PKNOX2: variants seen among roughly 807,000 people sequenced by gnomAD.
PKNOX2 encodes the protein PBX/knotted 1 homeobox 2, also known as homeobox protein PKNOX2.
In PKNOX2, 14 loss-of-function variants were observed where a neutral mutation model predicts 53.1. The observed-to-expected ratio is 0.26, with a 90% confidence interval of 0.17 to 0.41. PKNOX2 has a LOEUF of 0.41. PKNOX2 is among the 10% of genes least tolerant of loss of function. The pLI, the probability that PKNOX2 is intolerant of heterozygous loss-of-function variation, is 1.00. For missense variants in PKNOX2, 496 were observed against 602.8 expected (o/e 0.82, Z 1.85); for synonymous variants, 257 against 242.8 (o/e 1.06, Z -0.54).
chr11:125,169,730 C>G (rs1430342702), intron 1 of PKNOX2, among the ~76,000 whole-genome samples: 1 of 152,236 alleles, frequency 6.6e-6, no homozygotes, highest in Non-Finnish European at 1.5e-5. Context: ...TTCTCAGCAG[C>G]AAAGTCACAT....
intron 3 of PKNOX2, among the ~76,000 whole-genome samples, chr11:125,334,289 G>A (rs1045431619): frequency 6.6e-6 from 1 of 152,212 alleles, no homozygotes; most frequent in Admixed American, 6.5e-5. Context: ...GATTTTCAAA[G>A]TCCTGTTGGG....
chr11:125,170,961 G>A (rs369053887), intron 1 of PKNOX2, among the ~76,000 whole-genome samples: 148 of 151,936 alleles, frequency 9.7e-4, no homozygotes, highest in African/African-American at 3.4e-3. Context: ...GGGGTGCCCA[G>A]TGGGGGAGGG....
intron 1 of PKNOX2, among the ~76,000 whole-genome samples, chr11:125,176,982 T>A: frequency 6.6e-6 from 1 of 152,148 alleles, no homozygotes; most frequent in Middle Eastern, 3.4e-3. Flanking sequence ...CCAGTTAGGG[T>A]CCTGGTGATA....
chr11:125,410,694 A>C, intron 8 of PKNOX2, 85 bp from the exon 9 acceptor site: 1 of 1,028,832 alleles, frequency 9.7e-7, no homozygotes, highest in Non-Finnish European at 1.5e-6. Flanking sequence ...TTTACACATG[A>C]GTGCCAAATG....
intron 10 of PKNOX2, among the ~76,000 whole-genome samples, chr11:125,424,773 A>G (rs55929240): frequency 1.3e-5 from 2 of 152,356 alleles, no homozygotes; most frequent in African/African-American, 2.4e-5. Flanking sequence ...ACAATTGCCA[A>G]TGGGCTGTGC....
chr11:125,222,897 A>C (rs1005754056), intron 1 of PKNOX2, among the ~76,000 whole-genome samples: 5 of 152,152 alleles, frequency 3.3e-5, no homozygotes, highest in Admixed American at 2.6e-4. Context: ...GGAGGAGTCC[A>C]TGAATGTTGA....
At chr11:125,258,322 C>T (rs1944573615) in intron 2 of PKNOX2, among the ~76,000 whole-genome samples, 1 of 152,164 alleles carries the variant, frequency 6.6e-6, no homozygotes, top group Non-Finnish European at 1.5e-5. Context: ...GTAGTAATCA[C>T]CATTAACTAG....
intron 10 of PKNOX2, among the ~76,000 whole-genome samples, chr11:125,427,891 T>G (rs1956505725): frequency 6.6e-6 from 1 of 152,108 alleles, no homozygotes; most frequent in African/African-American, 2.4e-5. Context: ...GTCCTAGGGA[T>G]GCATAGACTC....
chr11:125,427,802 C>G (rs1956502421), intron 10 of PKNOX2, among the ~76,000 whole-genome samples: 2 of 152,150 alleles, frequency 1.3e-5, no homozygotes, highest in South Asian at 4.1e-4. Flanking sequence ...GCTTCCAGGA[C>G]AAAACTCTGA....
chr11:125,337,433 C>T (rs1293727032), intron 3 of PKNOX2, among the ~76,000 whole-genome samples: 1 of 152,234 alleles, frequency 6.6e-6, no homozygotes, highest in Non-Finnish European at 1.5e-5. Flanking sequence ...TGTCTTCATA[C>T]TTGACTGATA....
intron 1 of PKNOX2, among the ~76,000 whole-genome samples, chr11:125,200,435 C>T (rs569841238): frequency 3.0e-4 from 45 of 152,344 alleles, no homozygotes; most frequent in Non-Finnish European, 5.6e-4. Context: ...TTGACCCTTC[C>T]CTCGTTTCCT....
rs369215095 is a variant in PKNOX2 at position 125,375,214 on chromosome 11, G to A, written c.227+7229G>A. On this transcript the variant is annotated intron_variant, in intron 5 of 12. Coordinates refer to ENST00000298282, the MANE Select transcript of PKNOX2 (RefSeq NM_001382323.2). ...CAGGGTAGGCATCAAACGAGGAGAGGAGAGATCTGTAAAAATGTTAAGGCC... is the reference window on the plus strand; with the variant it reads ...CAGGGTAGGCATCAAACGAGGAGAGAAGAGATCTGTAAAAATGTTAAGGCC... Among the ~76,000 whole-genome samples, 182 of 152,302 alleles carry A rather than the reference G, an allele frequency of 1.2e-3. 1 individual carries two copies. The highest frequency in any genetic ancestry group is 4.1e-3 in the African/African-American group (172 of 41,564).
At chr11:125,197,539 G>T (rs555287407) in intron 1 of PKNOX2, among the ~76,000 whole-genome samples, 1 of 152,294 alleles carries the variant, frequency 6.6e-6, no homozygotes, top group South Asian at 2.1e-4. Context: ...TTCAGTAGGA[G>T]TCCTCAGCTG....
At chr11:125,215,589 T>A (rs1302939313) in intron 1 of PKNOX2, among the ~76,000 whole-genome samples, 1 of 151,852 alleles carries the variant, frequency 6.6e-6, no homozygotes, top group Non-Finnish European at 1.5e-5. Context: ...CCATCTCTAC[T>A]AAAAATACAA....
rs192077504 is a variant in PKNOX2 at position 125,175,666 on chromosome 11, T to A, written c.-201+10890T>A. Among the ~76,000 whole-genome samples the A allele has an allele frequency of 3.9e-5, 6 of 152,302 alleles. No homozygotes were observed. The East Asian group carries it at 1.2e-3, about 29-fold the overall frequency. ...GAATTTGCCCAAGGTCACCCAGCTATGAGTGAGGCAGGCCAGTGTAGAACA... is the reference window on the plus strand; with the variant it reads ...GAATTTGCCCAAGGTCACCCAGCTAAGAGTGAGGCAGGCCAGTGTAGAACA... On this transcript the variant is annotated intron_variant, in intron 1 of 12. Transcript: ENST00000298282.
intron 6 of PKNOX2, among the ~76,000 whole-genome samples, chr11:125,388,571 C>G (rs1953809421): frequency 6.6e-6 from 1 of 152,026 alleles, no homozygotes; most frequent in African/African-American, 2.4e-5. Context: ...AAACTTTGTC[C>G]CTTGGAAGTT....
chr11:125,293,029 A>C (rs1947405922), intron 2 of PKNOX2, among the ~76,000 whole-genome samples: 1 of 152,188 alleles, frequency 6.6e-6, no homozygotes, highest in South Asian at 2.1e-4. Context: ...AAGATGCCGG[A>C]CAGCGTGGTA....
chr11:125,270,913 T>C (rs1945746161), intron 2 of PKNOX2, among the ~76,000 whole-genome samples: 1 of 151,982 alleles, frequency 6.6e-6, no homozygotes, highest in Non-Finnish European at 1.5e-5. Context: ...TGGAGATCTG[T>C]CTGACTTGAA....
At chr11:125,173,291 G>C (rs1351941139) in intron 1 of PKNOX2, among the ~76,000 whole-genome samples, 1 of 152,202 alleles carries the variant, frequency 6.6e-6, no homozygotes, top group Non-Finnish European at 1.5e-5. Context: ...TGTGAAGCAG[G>C]TAAAATGGGC....
Sources: allele counts gnomAD v4.1 joint callset (sites outside exome capture counted in the v4.1 genomes callset), GRCh38; gene constraint gnomAD v4.1.1; transcripts MANE v1.5; gene names NCBI Gene and HGNC (gene_info 2026-07-23, HGNC 2026-07-21).